DSCAM: variants seen among roughly 807,000 people sequenced by gnomAD.
DSCAM encodes cell adhesion molecule DSCAM.
A neutral mutation model predicts 217.7 loss-of-function variants in DSCAM; 47 were observed. The ratio of observed to expected loss-of-function variants is 0.22; its 90% confidence interval spans 0.17 to 0.28. The LOEUF is 0.28. Among genes scored for constraint, DSCAM ranks in the 10% least tolerant of loss-of-function variants. The pLI, the probability that DSCAM is intolerant of heterozygous loss-of-function variation, is 1.00. For missense variants in DSCAM, 2,080 were observed against 2,618.3 expected, an observed-to-expected ratio of 0.79 and a Z score of 4.49; for synonymous variants, 1,056 against 1,015.3, an observed-to-expected ratio of 1.04 and a Z score of -0.76.
intron 3 of DSCAM, among the ~76,000 whole-genome samples, chr21:40,674,226 CTAGTCT>C (rs2090310509): frequency 2.6e-5 from 4 of 152,308 alleles, no homozygotes; most frequent in African/African-American, 7.2e-5. Context: ...AGATGATTCA[CTAGTCT>C]TAAAGGACCA....
intron 3 of DSCAM, among the ~76,000 whole-genome samples, chr21:40,643,994 G>T (rs1212566495): frequency 6.6e-6 from 1 of 152,142 alleles, no homozygotes; most frequent in African/African-American, 2.4e-5. Flanking sequence ...GAGACCAGCA[G>T]GCTCACCATG....
At chr21:40,641,217 G>A (rs1471357619) in intron 3 of DSCAM, among the ~76,000 whole-genome samples, 2 of 152,022 alleles carry the variant, frequency 1.3e-5, no homozygotes, top group African/African-American at 4.8e-5. Flanking sequence ...TGGATAAGAT[G>A]CACAGAGCAA....
At chr21:40,679,327 A>G (rs2090374778) in intron 3 of DSCAM, among the ~76,000 whole-genome samples, 1 of 152,214 alleles carries the variant, frequency 6.6e-6, no homozygotes, top group South Asian at 2.1e-4. Flanking sequence ...TCAGTCGACA[A>G]TATTTGTTGG....
intron 3 of DSCAM, among the ~76,000 whole-genome samples, chr21:40,525,372 C>T (rs1601715719): frequency 6.6e-6 from 1 of 152,130 alleles, no homozygotes; most frequent in Non-Finnish European, 1.5e-5. Context: ...ATAGTCAGAA[C>T]CAGGTTAAAA....
chr21:40,347,212 T>G (rs9980414), intron 6 of DSCAM, among the ~76,000 whole-genome samples: 1 of 150,984 alleles, frequency 6.6e-6, no homozygotes. Flanking sequence ...GCAGGAGAAT[T>G]GCTTGAACCC....
chr21:40,080,958 C>G (rs2089446947), intron 24 of DSCAM, among the ~76,000 whole-genome samples: 1 of 152,200 alleles, frequency 6.6e-6, no homozygotes, highest in African/African-American at 2.4e-5. Flanking sequence ...GGATGACTGT[C>G]CACTCTAGAG....
chr21:40,341,871 TTA>T (rs1413528578), intron 6 of DSCAM, among the ~76,000 whole-genome samples: 1 of 151,000 alleles, frequency 6.6e-6, no homozygotes, highest in Non-Finnish European at 1.5e-5. Context: ...CACCCATTAT[TTA>T]TGTTTCATGT....
intron 31 of DSCAM, among the ~76,000 whole-genome samples, chr21:40,043,371 C>A (rs1164291270): frequency 6.6e-6 from 1 of 152,140 alleles, no homozygotes; most frequent in Non-Finnish European, 1.5e-5. Context: ...GAAATCACAG[C>A]CTTAAAAATA....
At chr21:40,776,528 A>G (rs1453048371) in intron 1 of DSCAM, among the ~76,000 whole-genome samples, 3 of 152,192 alleles carry the variant, frequency 2.0e-5, no homozygotes, top group Non-Finnish European at 4.4e-5. Context: ...GTTGTGGAGC[A>G]GGGGTTGTGA....
intron 3 of DSCAM, among the ~76,000 whole-genome samples, chr21:40,521,577 GT>G (rs1222042825): frequency 4.6e-5 from 7 of 151,510 alleles, no homozygotes; most frequent in Non-Finnish European, 8.8e-5. Flanking sequence ...TTTTTTTGCT[GT>G]CTTTTTGCTG....
chr21:40,468,558 A>G (rs911521732), intron 3 of DSCAM, among the ~76,000 whole-genome samples: 1 of 152,048 alleles, frequency 6.6e-6, no homozygotes, highest in African/African-American at 2.4e-5. Context: ...GAGGCCTCAA[A>G]GGTTTTGGGG....
chr21:40,828,978 C>A (rs1368499410), intron 1 of DSCAM, among the ~76,000 whole-genome samples: 1 of 152,164 alleles, frequency 6.6e-6, no homozygotes, highest in Admixed American at 6.5e-5. Context: ...ACTACAAGGT[C>A]TGCTTCCCGC....
chr21:40,425,669 CAAA>C (rs34174337), intron 3 of DSCAM, among the ~76,000 whole-genome samples: 2 of 68,994 alleles, frequency 2.9e-5, no homozygotes, highest in Non-Finnish European at 3.0e-5. Flanking sequence ...ACTCGGTGTC[CAAA>C]AAAAAAAAAA....
chr21:40,115,758 AC>A (rs1309813098), intron 20 of DSCAM, among the ~76,000 whole-genome samples: 1 of 152,126 alleles, frequency 6.6e-6, no homozygotes, highest in African/African-American at 2.4e-5. Flanking sequence ...CTCCTCAAAG[AC>A]CTAATGACAG....
intron 3 of DSCAM, among the ~76,000 whole-genome samples, chr21:40,439,013 G>A (rs1292113052): frequency 6.6e-6 from 1 of 152,062 alleles, no homozygotes; most frequent in Non-Finnish European, 1.5e-5. Context: ...TAAAGTAGAA[G>A]TACCCTTTTC....
chr21:40,631,937 C>G (rs1293922704), intron 3 of DSCAM, among the ~76,000 whole-genome samples: 1 of 152,248 alleles, frequency 6.6e-6, no homozygotes, highest in East Asian at 1.9e-4. Flanking sequence ...AGACTGTCTG[C>G]ATGTTGGTGC....
chr21:40,338,965 G>A (rs1207980231), intron 7 of DSCAM, among the ~76,000 whole-genome samples, 154 bp downstream of exon 7: 3 of 152,220 alleles, frequency 2.0e-5, no homozygotes, highest in Non-Finnish European at 2.9e-5. Context: ...AACCCAGTCA[G>A]TGCCATTCCT....
chr21:40,569,465 T>G (rs1290598257), intron 3 of DSCAM, among the ~76,000 whole-genome samples: 1 of 152,198 alleles, frequency 6.6e-6, no homozygotes, highest in Non-Finnish European at 1.5e-5. Flanking sequence ...AAACTGAAGC[T>G]TCCCTGAGAA....
chr21:40,788,822 T>G (rs2091614978), intron 1 of DSCAM, among the ~76,000 whole-genome samples: 1 of 152,224 alleles, frequency 6.6e-6, no homozygotes, highest in South Asian at 2.1e-4. Flanking sequence ...TTAAACCAGA[T>G]TATTGCAAGG....
Sources: allele counts gnomAD v4.1 joint callset (sites outside exome capture counted in the v4.1 genomes callset), GRCh38; gene constraint gnomAD v4.1.1; transcripts MANE v1.5; gene names NCBI Gene and HGNC (gene_info 2026-07-23, HGNC 2026-07-21).